The following MATN4 variants were observed in gnomAD, a reference collection of about 807,000 sequenced individuals.
MATN4 encodes the protein matrilin 4.
A neutral mutation model predicts 54.6 loss-of-function variants in MATN4; 40 were observed. That is an observed-to-expected ratio of 0.73 (90% CI 0.57 to 0.95). The LOEUF is 0.95. Ranked by LOEUF, MATN4 falls within the 40% of genes least tolerant of loss-of-function variation. The pLI is 0.00. For missense variants in MATN4, 810 were observed against 819.1 expected (o/e 0.99, Z 0.13); for synonymous variants, 351 against 345.3 (o/e 1.02, Z -0.18).
At chr20:45,294,307 G>A (rs1190059752) in intron 8 of MATN4, among the ~76,000 whole-genome samples, 1 of 152,136 alleles carries the variant, frequency 6.6e-6, no homozygotes, top group Non-Finnish European at 1.5e-5. Context: ...CAACTTACAA[G>A]ACTGTTTCTC....
At chr20:45,295,316 T>C (rs2145638451) in intron 8 of MATN4, among the ~76,000 whole-genome samples, 1 of 152,274 alleles carries the variant, frequency 6.6e-6, no homozygotes, top group Non-Finnish European at 1.5e-5. Flanking sequence ...GTGTAGGAAT[T>C]TATCAAAAAT....
upstream of MATN4, chr20:45,308,549 G>A: frequency 2.3e-6 from 1 of 432,234 alleles, no homozygotes. Context: ...GAATTCATTG[G>A]AAGCTTAGAA....
chr20:45,298,622 C>T lies in MATN4; in HGVS notation c.1013-39G>A. 1 of 1,487,258 alleles carries T rather than the reference C, an allele frequency of 6.7e-7. No individual in the cohort carries two copies. The highest frequency in any genetic ancestry group is 9.0e-7 in the Non-Finnish European group (1 of 1,108,998). The allele number at this position is 1,487,258 out of a possible 1,614,324, so 92.1% of individuals were successfully genotyped here. On this transcript the variant is annotated intron_variant, in intron 6 of 9. Coordinates refer to ENST00000372756, the MANE Select transcript of MATN4 (RefSeq NM_001393530.1). This position sits in a 1 kb window ranked among gnomAD's most constrained non-coding sequence, Gnocchi z 4.6. ...AAAGCTTGAATTGAGGGACCAGATT[C>T]TGGACTGGCAGCAGCTGTCTATCCA...
Position 45,293,813 on chromosome 20 carries a change from G to T in MATN4, c.1700C>A (p.Thr567Lys). The T allele has an allele frequency of 6.2e-7, 1 of 1,611,392 alleles. No homozygotes were observed. The highest frequency in any genetic ancestry group is 8.5e-7 in the Non-Finnish European group (1 of 1,179,932). Residue 567 changes from threonine to lysine, a missense_variant, in exon 10 of 10, where the codon ACG (threonine) becomes AAG (lysine). Transcript: ENST00000372756. The part of the protein sequence containing the change: ...ESLTLNLAQL[T>K]ARLEDLENQL... Reference sequence around the variant, plus strand: ...GTTCTCCAGATCCTCCAGGCGCGCCGTCAGCTGGGCCAGTGAGCGGTTAAG... The same window carrying T: ...GTTCTCCAGATCCTCCAGGCGCGCCTTCAGCTGGGCCAGTGAGCGGTTAAG...
rs1195838168 is a variant in MATN4 at position 45,304,370 on chromosome 20, T to C, written c.501A>G (p.Glu167=). The change falls in exon 3 of 10, where the codon GAA becomes GAG. Residue 167 remains glutamate (E), a synonymous_variant. Transcript: ENST00000372756. The part of the protein sequence containing the change: ...VAAQARARGI[E]IYAVGVQRAD... ...CGCGCTGCACCCCCACCGCGTAAAT[T>C]TCAATGCCGCGGGCGCGCGCCTGTG... 1.3e-6 allele frequency: 2 copies of C among 1,502,372 alleles called. No homozygotes were observed. Among genetic ancestry groups the C allele is most frequent in the East Asian group, 4.7e-5 (2 of 42,118 alleles). 93.1% of individuals were successfully genotyped at this position (1,502,372 alleles called of 1,614,324 possible).
At chr20:45,307,969 G>A (rs1369257731) in intron 1 of MATN4, among the ~76,000 whole-genome samples, 1 of 152,170 alleles carries the variant, frequency 6.6e-6, no homozygotes, top group African/African-American at 2.4e-5. Flanking sequence ...GTTCCTGGAG[G>A]GATGAGAGTA....
intron 1 of MATN4, chr20:45,306,891 C>A: frequency 8.0e-7 from 1 of 1,256,004 alleles, no homozygotes; most frequent in Non-Finnish European, 1.0e-6. Flanking sequence ...CAGAGGGCGG[C>A]GGGTGAGCGG....
chr20:45,308,133 T>C, intron 1 of MATN4, 42 bp downstream of exon 1: 1 of 1,600,346 alleles, frequency 6.2e-7, no homozygotes, highest in Non-Finnish European at 8.6e-7. Context: ...TGATGCCTAC[T>C]CCCCTGCAGA....
In MATN4 at chr20:45,304,487, G is replaced by A. The variant is rs764828761; in HGVS notation, c.384C>T (p.Ala128=). Residue 128 remains alanine (A), a synonymous_variant, in exon 3 of 10, where the codon GCC becomes GCT. Coordinates refer to ENST00000372756, the MANE Select transcript of MATN4 (RefSeq NM_001393530.1). ...QYAMNVAFSV[A]EGARPPEERV... ...GCTCCTCTGGCGGTCGCGCGCCCTC[G>A]GCCACACTGAAGGCCACGTTCATGG... The A allele has an allele frequency of 3.2e-6, 5 of 1,578,356 alleles. No individual in the cohort carries two copies. Among genetic ancestry groups the A allele is most frequent in the Non-Finnish European group, 3.5e-6 (4 of 1,154,288 alleles).
chr20:45,294,745 A>G (rs1413000640), intron 8 of MATN4, among the ~76,000 whole-genome samples: 2 of 152,210 alleles, frequency 1.3e-5, no homozygotes, highest in Non-Finnish European at 2.9e-5. Context: ...TACATGGACC[A>G]GTACCAGCCC....
intron 3 of MATN4, among the ~76,000 whole-genome samples, chr20:45,303,082 C>CAAAAAAAA (rs79635257): frequency 3.6e-5 from 3 of 82,926 alleles, no homozygotes; most frequent in Non-Finnish European, 4.8e-5. Context: ...GACTCTGTCT[C>CAAAAAAAA]AAAAAAAAAA....
At position 45,293,779 on chromosome 20, in the gene MATN4, G is replaced by A. The variant is rs145783739; in HGVS notation, c.1734C>T (p.Ala578=). ...ARLEDLENQL[A]NQK is the part of the protein sequence containing the mutation. ...CCGTCCGTGGCCCTCACTTCTGGTT[G>A]GCCAGCTGGTTCTCCAGATCCTCCA... Residue 578 remains alanine, a synonymous_variant, in exon 10 of 10, where the codon GCC becomes GCT. Transcript: ENST00000372756. The A allele has an allele frequency of 2.0e-4, 327 of 1,608,866 alleles. No homozygotes were observed. Among genetic ancestry groups the A allele is most frequent in the Non-Finnish European group, 2.6e-4 (310 of 1,179,676 alleles).
At chr20:45,297,683 A>G (rs1210062074) in intron 8 of MATN4, among the ~76,000 whole-genome samples, 1 of 152,190 alleles carries the variant, frequency 6.6e-6, no homozygotes, top group Non-Finnish European at 1.5e-5. Flanking sequence ...ATCTTGTCGA[A>G]GTGGAAATTC....
chr20:45,303,214 C>A (rs768496546), intron 3 of MATN4, among the ~76,000 whole-genome samples: 2 of 152,076 alleles, frequency 1.3e-5, no homozygotes, highest in African/African-American at 4.8e-5. Flanking sequence ...CTGTGGGCTC[C>A]CACCAGGGAC....
chr20:45,304,523 T>G lies in MATN4; in HGVS notation c.348A>C (p.Ala116=). 1 of 1,590,952 alleles carries G rather than the reference T, an allele frequency of 6.3e-7. No homozygotes were observed. The highest frequency in any genetic ancestry group is 8.6e-7 in the Non-Finnish European group (1 of 1,162,566). ...AGGCCACGTTCATGGCGTACTGGAT[T>G]GCCAGTCCCGTCATGGTGCCTTGCG... ...PLAQGTMTGL[A]IQYAMNVAFS... is the part of the protein sequence containing the mutation. Residue 116 remains alanine (A), a synonymous_variant, in exon 3 of 10, where the codon GCA becomes GCC. Transcript: ENST00000372756.
chr20:45,308,450 G>C, upstream of MATN4: 1 of 578,698 alleles, frequency 1.7e-6, no homozygotes, highest in Non-Finnish European at 3.1e-6. Flanking sequence ...ACCACGCTTG[G>C]AGCTGCAGAC....
At chr20:45,301,617 G>A (rs1404550532) in intron 3 of MATN4, among the ~76,000 whole-genome samples, 174 bp from the exon 4 acceptor site, 1 of 152,172 alleles carries the variant, frequency 6.6e-6, no homozygotes, top group Non-Finnish European at 1.5e-5. Context: ...CAGAGGACAG[G>A]TTTGGCCACT....
At chr20:45,308,369 A>C, upstream of MATN4, 3 of 671,908 alleles carry the variant, frequency 4.5e-6, no homozygotes, top group East Asian at 2.7e-5. Flanking sequence ...GCAGGCTGCA[A>C]CCCCTCCCAC....
Position 45,308,237 on chromosome 20 carries a change from G to A in MATN4, c.-97C>T, listed in dbSNP as rs201926077. ...GCGAAGCCGACAGGCGGAGCCTCCC[G>A]GGCACTTGGACCAGGTAACGGCGGC... On this transcript the variant is annotated 5_prime_UTR_variant, in exon 1 of 10. Transcript: ENST00000372756. The A allele has an allele frequency of 9.9e-6, 16 of 1,613,070 alleles. No individual in the cohort carries two copies. The highest frequency in any genetic ancestry group is 6.7e-5 in the African/African-American group (5 of 75,028).
Sources: gnomAD v4.1 joint callset for allele counts (sites outside exome capture counted in the v4.1 genomes callset) on GRCh38, gnomAD v4.1.1 for gene constraint, Gnocchi (gnomAD v3.1) non-coding constraint, MANE v1.5 for transcripts, NCBI Gene and HGNC (gene_info 2026-07-23, HGNC 2026-07-21) for gene names.